NKAIN3: variants seen among roughly 807,000 people sequenced by gnomAD.
The protein encoded by NKAIN3 is sodium/potassium-transporting ATPase subunit beta-1-interacting protein 3.
NKAIN3 carries 25 observed loss-of-function variants against 30.2 expected under a neutral mutation model. That is an observed-to-expected ratio of 0.83 (90% CI 0.60 to 1.16). The LOEUF is 1.16. Ranked by LOEUF, NKAIN3 falls within the 50% of genes most tolerant of loss-of-function variation. NKAIN3 has a pLI of 0.00. For missense variants in NKAIN3, 225 were observed against 254.1 expected, an observed-to-expected ratio of 0.89 and a Z score of 0.78; for synonymous variants, 91 against 89.6, an observed-to-expected ratio of 1.02 and a Z score of -0.09.
chr8:62,404,110 C>T (rs575397918), intron 1 of NKAIN3, among the ~76,000 whole-genome samples: 2 of 152,316 alleles, frequency 1.3e-5, no homozygotes, highest in South Asian at 4.1e-4. Flanking sequence ...TTGTTTTGGC[C>T]AATTTATCAC....
At chr8:62,493,847 A>G (rs1379561672) in intron 1 of NKAIN3, among the ~76,000 whole-genome samples, 2 of 152,164 alleles carry the variant, frequency 1.3e-5, no homozygotes, top group Non-Finnish European at 2.9e-5. Context: ...GTGTATAGGA[A>G]TGCTAGTGAT....
chr8:62,657,177 A>G (rs962932247), intron 3 of NKAIN3, among the ~76,000 whole-genome samples: 16 of 152,218 alleles, frequency 1.1e-4, no homozygotes, highest in African/African-American at 2.4e-5. Flanking sequence ...CTATCTGAGT[A>G]TATCTGAAAT....
At chr8:62,828,079 A>G (rs1430319526) in intron 4 of NKAIN3, among the ~76,000 whole-genome samples, 1 of 150,642 alleles carries the variant, frequency 6.6e-6, no homozygotes, top group Non-Finnish European at 1.5e-5. Context: ...ACTACTCAGT[A>G]GTAAAAAAAA....
chr8:62,560,538 T>C (rs1377639995), intron 1 of NKAIN3, among the ~76,000 whole-genome samples: 7 of 128,868 alleles, frequency 5.4e-5, no homozygotes, highest in South Asian at 2.7e-4. Context: ...TTTCTTTTTT[T>C]TTTTTTTTTT....
intron 5 of NKAIN3, among the ~76,000 whole-genome samples, chr8:62,950,949 T>C (rs894255309): frequency 6.7e-6 from 1 of 150,334 alleles, no homozygotes; most frequent in Non-Finnish European, 1.5e-5. Flanking sequence ...GAATCCTTTT[T>C]TTTTTTTTTT....
intron 1 of NKAIN3, among the ~76,000 whole-genome samples, chr8:62,292,258 G>A (rs571351716): frequency 3.7e-4 from 56 of 152,154 alleles, no homozygotes; most frequent in Non-Finnish European, 4.9e-4. Context: ...ATTGTTATGT[G>A]TGAATTTGAT....
chr8:62,541,470 A>G (rs1367613882), intron 1 of NKAIN3, among the ~76,000 whole-genome samples: 1 of 152,148 alleles, frequency 6.6e-6, no homozygotes, highest in Non-Finnish European at 1.5e-5. Context: ...TGTCCTAACA[A>G]TGTAGCTTTT....
chr8:62,413,077 A>C (rs1306666358), intron 1 of NKAIN3, among the ~76,000 whole-genome samples: 1 of 152,186 alleles, frequency 6.6e-6, no homozygotes, highest in African/African-American at 2.4e-5. Flanking sequence ...AGAAATACAA[A>C]TTAAAACCAC....
At chr8:62,415,032 A>G (rs1585782560) in intron 1 of NKAIN3, among the ~76,000 whole-genome samples, 1 of 81,660 alleles carries the variant, frequency 1.2e-5, no homozygotes. Context: ...GGAATTAATT[A>G]GAAATATTAT....
intron 1 of NKAIN3, among the ~76,000 whole-genome samples, chr8:62,322,151 T>G (rs1490235201): frequency 1.3e-5 from 2 of 152,204 alleles, no homozygotes; most frequent in Non-Finnish European, 2.9e-5. Flanking sequence ...CATCTCCTGG[T>G]ATGCTGTTTG....
intron 1 of NKAIN3, among the ~76,000 whole-genome samples, chr8:62,423,110 G>A (rs2129596910): frequency 6.6e-6 from 1 of 152,130 alleles, no homozygotes; most frequent in South Asian, 2.1e-4. Flanking sequence ...GCCTGGAAGT[G>A]ACACAAATCA....
chr8:62,866,628 G>A (rs1023190246), intron 4 of NKAIN3, among the ~76,000 whole-genome samples: 2 of 152,036 alleles, frequency 1.3e-5, no homozygotes, highest in Admixed American at 6.5e-5. Context: ...CATTAATTAA[G>A]GTGCCTCATT....
chr8:62,412,841 G>A (rs938522148), intron 1 of NKAIN3, among the ~76,000 whole-genome samples: 5 of 149,446 alleles, frequency 3.3e-5, no homozygotes, highest in Non-Finnish European at 7.4e-5. Flanking sequence ...GAACCCAGGA[G>A]GTGAAGGTTG....
chr8:62,800,695 G>T (rs1818026952), intron 4 of NKAIN3, among the ~76,000 whole-genome samples: 2 of 152,330 alleles, frequency 1.3e-5, no homozygotes, highest in South Asian at 2.1e-4. Flanking sequence ...TGACGCAGAA[G>T]ACGGGTGATT....
chr8:62,301,005 AAC>A (rs1447184521), intron 1 of NKAIN3, among the ~76,000 whole-genome samples: 4 of 152,112 alleles, frequency 2.6e-5, no homozygotes, highest in Non-Finnish European at 4.4e-5. Flanking sequence ...TAGAACTATG[AAC>A]AGAAGACTAT....
At chr8:62,323,173 C>T (rs1268214257) in intron 1 of NKAIN3, among the ~76,000 whole-genome samples, 2 of 152,298 alleles carry the variant, frequency 1.3e-5, no homozygotes, top group East Asian at 1.9e-4. Context: ...CAATTACATG[C>T]CTTGGTATTT....
intron 1 of NKAIN3, among the ~76,000 whole-genome samples, chr8:62,444,954 CT>C (rs954981415): frequency 3.8e-4 from 57 of 151,986 alleles, no homozygotes; most frequent in Admixed American, 1.1e-3. Context: ...TTTTCCTTTT[CT>C]TCTTTTTTTT....
chr8:62,554,175 C>T (rs1489606587), intron 1 of NKAIN3, among the ~76,000 whole-genome samples: 2 of 152,188 alleles, frequency 1.3e-5, no homozygotes, highest in African/African-American at 4.8e-5. Context: ...CACTTATGGC[C>T]TCATGATAGA....
chr8:62,838,967 T>C (rs771858917), intron 4 of NKAIN3, among the ~76,000 whole-genome samples: 1 of 152,098 alleles, frequency 6.6e-6, no homozygotes, highest in Non-Finnish European at 1.5e-5. Context: ...TGCTCCTGAG[T>C]ACAAGGATTG....
Sources: allele counts gnomAD v4.1 joint callset (sites outside exome capture counted in the v4.1 genomes callset), GRCh38; gene constraint gnomAD v4.1.1; transcripts MANE v1.5; gene names NCBI Gene and HGNC (gene_info 2026-07-23, HGNC 2026-07-21).